The following LRP1B variants were observed in gnomAD, a reference collection of about 807,000 sequenced individuals.
LRP1B encodes the protein low-density lipoprotein receptor-related protein 1B.
A neutral mutation model predicts 556.6 loss-of-function variants in LRP1B; 217 were observed. The observed-to-expected ratio is 0.39, with a 90% CI of 0.35 to 0.44. LRP1B has a LOEUF of 0.44. Ranked by LOEUF, LRP1B falls within the 20% of genes least tolerant of loss-of-function variation. The pLI is 1.00. For synonymous variants in LRP1B, 2,047 were observed against 1,865.8 expected, an observed-to-expected ratio of 1.10 and a Z score of -2.50; for missense variants, 5,053 against 5,620.8, an observed-to-expected ratio of 0.90 and a Z score of 3.23.
At chr2:140,481,578 T>TTTTTTATTA (rs551782178) in intron 59 of LRP1B, among the ~76,000 whole-genome samples, 4 of 137,130 alleles carry the variant, frequency 2.9e-5, no homozygotes, top group Non-Finnish European at 4.7e-5. Context: ...GGTAGCCATC[T>TTTTTTATTA]TTATTATTAT....
intron 7 of LRP1B, among the ~76,000 whole-genome samples, chr2:141,149,238 T>C (rs1701862074): frequency 6.6e-6 from 1 of 152,098 alleles, no homozygotes; most frequent in Non-Finnish European, 1.5e-5. Context: ...GTGTTTTGTT[T>C]TACTATTGTT....
intron 41 of LRP1B, among the ~76,000 whole-genome samples, chr2:140,640,383 CTTT>C (rs70988414): frequency 2.2e-3 from 107 of 48,448 alleles, no homozygotes; most frequent in African/African-American, 8.4e-3. Flanking sequence ...GTCCTGTTTT[CTTT>C]TTTTTTTTTT....
chr2:141,622,947 A>T (rs140389427), intron 2 of LRP1B, among the ~76,000 whole-genome samples: 94 of 152,316 alleles, frequency 6.2e-4, no homozygotes, highest in Non-Finnish European at 1.1e-3. Flanking sequence ...AAGGTCAATC[A>T]CACAAAAGAT....
At chr2:140,392,932 C>CTTT (rs34357201) in intron 66 of LRP1B, among the ~76,000 whole-genome samples, 9 of 144,182 alleles carry the variant, frequency 6.2e-5, no homozygotes, top group Non-Finnish European at 1.4e-4. Context: ...TCATATATAA[C>CTTT]TTTTTTTTTT....
At chr2:141,408,141 A>ATTTTTT (rs35914905) in intron 3 of LRP1B, among the ~76,000 whole-genome samples, 8 of 123,938 alleles carry the variant, frequency 6.5e-5, no homozygotes, top group Admixed American at 4.6e-4. Context: ...ATTTGGTTCA[A>ATTTTTT]TTTTTTTTTT....
At chr2:140,739,268 T>TTGCAAAGCAAATCC (rs1688055014) in intron 35 of LRP1B, among the ~76,000 whole-genome samples, 1 of 152,110 alleles carries the variant, frequency 6.6e-6, no homozygotes, top group Non-Finnish European at 1.5e-5. Context: ...ATTTGGGGAT[T>TTGCAAAGCAAATCC]TGCAAAGCAG....
chr2:140,362,157 C>T (rs1299410930), intron 72 of LRP1B, among the ~76,000 whole-genome samples: 3 of 151,670 alleles, frequency 2.0e-5, no homozygotes, highest in Non-Finnish European at 4.4e-5. Context: ...TAAAGTGCCG[C>T]CATGGTGTTA....
rs753670299 is a variant in LRP1B, at chr2:140,234,799, G to C, written c.13646C>G (p.Pro4549Arg). The C allele has an allele frequency of 7.7e-6, 6 of 774,832 alleles. No individual in the cohort carries two copies. The highest frequency in any genetic ancestry group is 2.7e-5 in the South Asian group (2 of 74,330). 48.0% of individuals were successfully genotyped at this position (774,832 alleles called of 1,614,324 possible). A position where few individuals can be genotyped will look rare whatever the true frequency, so the allele number is the denominator to read the frequency against. ...TTCTTCTCTCACCCCAGCAGTTAGT[G>C]GTCCTTTCAAATCAGAGTTTAGGTA... ...PIYLNSDLKG[P>R]LTAGPTNYSN... Residue 4549 changes from proline (P) to arginine (R), a missense_variant, in exon 90 of 91, where the codon CCA becomes CGA. Pro to Arg is a moderately radical substitution (Grantham distance 103, BLOSUM62 -2). This residue lies in a region of LRP1B where 551 missense variants were observed against 592.0 expected (regional missense o/e 0.93). Transcript: ENST00000389484.
At chr2:141,332,130 A>G (rs1462182904) in intron 3 of LRP1B, among the ~76,000 whole-genome samples, 1 of 151,428 alleles carries the variant, frequency 6.6e-6, no homozygotes, top group Non-Finnish European at 1.5e-5. Flanking sequence ...TGTCTTCTCC[A>G]CTACACTGCA....
At chr2:141,743,886 T>C (rs1156379053) in intron 2 of LRP1B, among the ~76,000 whole-genome samples, 2 of 152,038 alleles carry the variant, frequency 1.3e-5, no homozygotes, top group Non-Finnish European at 2.9e-5. Context: ...TATTTAGGTT[T>C]TGTCTCTTTT....
intron 47 of LRP1B, among the ~76,000 whole-genome samples, chr2:140,532,338 C>T (rs1333756769): frequency 1.3e-5 from 2 of 151,986 alleles, no homozygotes; most frequent in African/African-American, 2.4e-5. Context: ...ACAAAATGCA[C>T]CTTCATGCCC....
chr2:141,807,305 A>G (rs1696197399), intron 2 of LRP1B, among the ~76,000 whole-genome samples: 1 of 152,066 alleles, frequency 6.6e-6, no homozygotes, highest in Admixed American at 6.6e-5. Context: ...TTCAATTGGT[A>G]TTGATGGAAA....
intron 1 of LRP1B, among the ~76,000 whole-genome samples, chr2:142,115,686 T>C (rs1448346719): frequency 4.0e-5 from 1 of 25,214 alleles, no homozygotes; most frequent in Non-Finnish European, 6.9e-5. Flanking sequence ...ATATATATAA[T>C]ATATATGTAA....
intron 3 of LRP1B, among the ~76,000 whole-genome samples, chr2:141,363,574 G>A (rs1158432806): frequency 1.3e-5 from 2 of 152,004 alleles, no homozygotes; most frequent in African/African-American, 4.8e-5. Flanking sequence ...AATATTTAGA[G>A]TAACAGATAA....
chr2:140,475,399 A>G (rs979902261), intron 59 of LRP1B, 62 bp from the exon 60 acceptor site: 177 of 1,273,858 alleles, frequency 1.4e-4, no homozygotes, highest in Non-Finnish European at 1.8e-4. Flanking sequence ...ACAACAAACA[A>G]TATATTACTT....
intron 2 of LRP1B, among the ~76,000 whole-genome samples, chr2:141,753,263 C>CATATATATATATATATATATAT (rs144027196): frequency 0.019 from 1,171 of 62,260 alleles, 133 homozygotes; most frequent in East Asian, 0.052. Flanking sequence ...TCTCTCTCTC[C>CATATATATATATATATATATAT]ATATATATAT....
intron 86 of LRP1B, among the ~76,000 whole-genome samples, chr2:140,252,062 C>CAAAAAAAAAAAAAAAAAAAAAA: frequency 1.1e-3 from 21 of 18,552 alleles, no homozygotes; most frequent in African/African-American, 2.1e-3. Context: ...TGACAAGATG[C>CAAAAAAAAAAAAAAAAAAAAAA]AAAAAAAAAA....
intron 2 of LRP1B, among the ~76,000 whole-genome samples, chr2:141,592,125 C>T (rs185039848): frequency 6.6e-6 from 1 of 152,254 alleles, no homozygotes; most frequent in East Asian, 1.9e-4. Flanking sequence ...TGCTCTCTTT[C>T]TCCCAACCAC....
chr2:141,383,795 T>C (rs1559041392), intron 3 of LRP1B, among the ~76,000 whole-genome samples: 1 of 152,178 alleles, frequency 6.6e-6, no homozygotes, highest in Non-Finnish European at 1.5e-5. Flanking sequence ...GTGTGGAATA[T>C]AAAATAGTCA....
Sources: gnomAD v4.1 joint callset for allele counts (sites outside exome capture counted in the v4.1 genomes callset) on GRCh38, gnomAD v4.1.1 for gene constraint, gnomAD v4.1.1 regional missense constraint, MANE v1.5 for transcripts, NCBI Gene and HGNC (gene_info 2026-07-23, HGNC 2026-07-21) for gene names.